Variants in DUS2 observed in about 807,000 individuals in gnomAD.
The protein encoded by DUS2 is dihydrouridine synthase 2.
DUS2 carries 52 observed loss-of-function variants against 71.3 expected under a neutral mutation model. The ratio of observed to expected loss-of-function variants is 0.73; its 90% CI spans 0.58 to 0.92. The LOEUF is 0.92. Ranked by LOEUF, DUS2 falls within the 40% of genes least tolerant of loss-of-function variation. DUS2 has a pLI of 0.00. For synonymous variants in DUS2, 204 were observed against 227.8 expected, an observed-to-expected ratio of 0.90 and a Z score of 0.94; for missense variants, 558 against 622.6, an observed-to-expected ratio of 0.90 and a Z score of 1.10.
At chr16:68,035,923 TATATATACACACATACATACAC>T (rs1277846444) in intron 2 of DUS2, among the ~76,000 whole-genome samples, 2 of 100,576 alleles carry the variant, frequency 2.0e-5, no homozygotes, top group African/African-American at 8.0e-5. Flanking sequence ...TATATATATA[TATATATACACACATACATACAC>T]ATATATATAC....
Position 68,074,036 on chromosome 16 carries a change from G to A in DUS2, c.813G>A (p.Ala271=), listed in dbSNP as rs144027126. 57 of 1,613,884 alleles carry A rather than the reference G, an allele frequency of 3.5e-5. No homozygotes were observed. Among genetic ancestry groups the A allele is most frequent in the South Asian group, 2.0e-4 (18 of 91,074 alleles). The part of the protein sequence containing the change: ...EEVMQKYIRY[A]VQYDNHYTNT... The stretch of plus-strand genomic sequence containing the variant: ...AGGCAAGTCATTTCTTTTCTCAGGC[G>A]GTGCAGTATGACAACCACTACACCA... The change falls in exon 13 of 17, where the codon GCG becomes GCA. Residue 271 remains alanine (A), a splice_region_variant and synonymous_variant. Transcript: ENST00000565263.
Position 68,049,506 on chromosome 16 carries a change from A to G in DUS2, c.128A>G (p.Glu43Gly). Residue 43 changes from glutamate to glycine, a missense_variant and splice_region_variant, in exon 4 of 17, where the codon GAG becomes GGG. Coordinates refer to ENST00000565263, the MANE Select transcript of DUS2 (RefSeq NM_017803.5). The part of the protein sequence containing the change: ...DYGADIVYCE[E>G]LIDLKMIQCK... ...AAGCGTCCTCTGATTCCTCTGCAGG[A>G]GCTGATCGACCTCAAGATGATTCAG... The G allele has an allele frequency of 6.2e-7, 1 of 1,614,156 alleles. No individual in the cohort carries two copies. The highest frequency in any genetic ancestry group is 8.5e-7 in the Non-Finnish European group (1 of 1,180,006).
At chr16:68,057,048 T>TTA (rs540768989) in intron 7 of DUS2, among the ~76,000 whole-genome samples, 171 of 129,406 alleles carry the variant, frequency 1.3e-3, no homozygotes, top group African/African-American at 4.8e-3. Flanking sequence ...TAATATATAT[T>TTA]TATATATATA....
intron 2 of DUS2, 79 bp downstream of exon 2, chr16:68,025,573 T>G (rs927629541): frequency 6.6e-6 from 1 of 152,162 alleles, no homozygotes; most frequent in Non-Finnish European, 1.5e-5. Context: ...AGTTGTTTTC[T>G]CATTATGCTT....
In DUS2 at chr16:68,054,729, CCTT is replaced by C. The variant is rs2033827281; in HGVS notation, c.308+115_308+117del. On this transcript the variant is annotated intron_variant, in intron 6 of 16. Transcript: ENST00000565263. ...CACCCTTCTGCCTTCTAGCCCATTA[CCTT>C]CTGTTTCCAGGTTAAGAGTGCCTGG... The C allele has an allele frequency of 3.1e-6, 4 of 1,288,758 alleles. No homozygotes were observed. The Admixed American group carries it at 6.9e-5, about 22-fold the overall frequency. The allele number at this position is 1,288,758 out of a possible 1,614,324, so 79.8% of individuals were successfully genotyped here. A position where few individuals can be genotyped will look rare whatever the true frequency, so the allele number is the denominator to read the frequency against.
chr16:68,032,536 G>A (rs573428002), intron 2 of DUS2, among the ~76,000 whole-genome samples: 8 of 152,272 alleles, frequency 5.3e-5, no homozygotes, highest in Non-Finnish European at 1.0e-4. Context: ...CTGTAGGGAC[G>A]TATCTTCACA....
chr16:68,076,147 C>T (rs2151427194), intron 14 of DUS2, among the ~76,000 whole-genome samples: 1 of 152,290 alleles, frequency 6.6e-6, no homozygotes, highest in South Asian at 2.1e-4. Flanking sequence ...CTGTGTCACC[C>T]TGTCACAGGC....
Position 68,069,786 on chromosome 16 carries a change from T to TA in DUS2, c.555-347dup, listed in dbSNP as rs541947732. Among the ~76,000 whole-genome samples, 15 of 152,276 alleles carry TA rather than the reference T, an allele frequency of 9.9e-5. No individual in the cohort carries two copies. In the South Asian group the frequency reaches 2.5e-3, roughly 25 times the overall value. ...ACTGGGACAGTAGGGGCAGCACTCT[T>TA]ATGGCCCTGTCCCTCATCTCTGGCA... On this transcript the variant is annotated intron_variant, in intron 10 of 16. Coordinates refer to ENST00000565263, the MANE Select transcript of DUS2 (RefSeq NM_017803.5).
rs912143167 is a variant in DUS2, at chr16:68,071,073, C to A, written c.775C>A (p.Pro259Thr). ...TATCTTCCTCAAGGAGGGTCTGCGG[C>A]CCCTGGAGGAGGTCATGCAGAAATA... Reference protein sequence around the residue: ...PSIFLKEGLRPLEEVMQKYIR... With the variant: ...PSIFLKEGLRTLEEVMQKYIR... The change falls in exon 12 of 17, where the codon CCC (proline) becomes ACC (threonine). Residue 259 changes from proline to threonine, a missense_variant. Pro to Thr is a conservative substitution (Grantham distance 38). Coordinates refer to ENST00000565263, the MANE Select transcript of DUS2 (RefSeq NM_017803.5). 1 of 1,614,096 alleles carries A rather than the reference C, an allele frequency of 6.2e-7. No individual in the cohort carries two copies. Among genetic ancestry groups the A allele is most frequent in the African/African-American group, 1.3e-5 (1 of 74,934 alleles).
At chr16:68,029,940 CTTA>C (rs927502544) in intron 2 of DUS2, among the ~76,000 whole-genome samples, 3 of 149,136 alleles carry the variant, frequency 2.0e-5, no homozygotes, top group South Asian at 2.2e-4. Context: ...GAGGTGGTGT[CTTA>C]TTATGTTGCC....
At chr16:68,076,878 C>G (rs1366099307) in intron 15 of DUS2, among the ~76,000 whole-genome samples, 159 bp downstream of exon 15, 1 of 150,782 alleles carries the variant, frequency 6.6e-6, no homozygotes, top group African/African-American at 2.4e-5. Flanking sequence ...TCCCCTCTTA[C>G]AGTGGCCTGT....
At chr16:68,049,190 A>G (rs1231716939) in intron 3 of DUS2, among the ~76,000 whole-genome samples, 1 of 152,076 alleles carries the variant, frequency 6.6e-6, no homozygotes, top group Non-Finnish European at 1.5e-5. Flanking sequence ...TTCTGCTGAG[A>G]CCAGTAGGTG....
intron 3 of DUS2, among the ~76,000 whole-genome samples, chr16:68,048,414 T>A (rs2033734271): frequency 6.6e-6 from 1 of 152,194 alleles, no homozygotes; most frequent in African/African-American, 2.4e-5. Flanking sequence ...TGAGTTGGGC[T>A]CTGCCCATCC....
chr16:68,061,586 G>A (rs553563223), intron 8 of DUS2, among the ~76,000 whole-genome samples: 5 of 152,274 alleles, frequency 3.3e-5, no homozygotes, highest in African/African-American at 1.2e-4. Flanking sequence ...AGAGAAGCCC[G>A]GGCCAGGGTC....
At chr16:68,046,333 A>G (rs2033700472) in intron 3 of DUS2, among the ~76,000 whole-genome samples, 1 of 151,038 alleles carries the variant, frequency 6.6e-6, no homozygotes, top group Non-Finnish European at 1.5e-5. Context: ...TGCTTAGGAT[A>G]ACGGCTGCCA....
intron 2 of DUS2, among the ~76,000 whole-genome samples, chr16:68,025,927 A>G (rs974307309): frequency 5.3e-5 from 8 of 152,190 alleles, no homozygotes; most frequent in Non-Finnish European, 1.2e-4. Context: ...CGCATGTGCC[A>G]GGCATTGGTA....
intron 2 of DUS2, among the ~76,000 whole-genome samples, chr16:68,035,755 C>G (rs118102961): frequency 0.027 from 3,841 of 143,668 alleles, 89 homozygotes; most frequent in Admixed American, 0.036. Context: ...CCCTCTGTTA[C>G]CCAGGCTGGA....
In DUS2 at chr16:68,071,108, C is replaced by T. The variant is rs148423881; in HGVS notation, c.810C>T (p.Tyr270=). The part of the protein sequence containing the change: ...LEEVMQKYIR[Y]AVQYDNHYTN... ...AGGTCATGCAGAAATACATCAGATA[C>T]GTACGTCTCTGTACTTTTTCAAAAC... The change falls in exon 12 of 17, where the codon TAC becomes TAT. Residue 270 remains tyrosine (Y), a splice_region_variant and synonymous_variant. Transcript: ENST00000565263. The T allele has an allele frequency of 4.7e-4, 762 of 1,614,178 alleles. 7 individuals are homozygous for T. The East Asian group carries it at 0.015, about 32-fold the overall frequency.
At chr16:68,040,210 G>C (rs1225257592) in intron 3 of DUS2, among the ~76,000 whole-genome samples, 1 of 151,910 alleles carries the variant, frequency 6.6e-6, no homozygotes, top group East Asian at 1.9e-4. Flanking sequence ...TCAGCCTCCT[G>C]AGTAGCTGGG....
Sources: allele counts gnomAD v4.1 joint callset (sites outside exome capture counted in the v4.1 genomes callset), GRCh38; gene constraint gnomAD v4.1.1; transcripts MANE v1.5; gene names NCBI Gene and HGNC (gene_info 2026-07-23, HGNC 2026-07-21).